Variants in SLC8A1 observed in about 807,000 individuals in gnomAD.
SLC8A1 encodes solute carrier family 8 member A1.
In SLC8A1, 18 loss-of-function variants were observed where a neutral mutation model predicts 68.3. The ratio of observed to expected loss-of-function variants is 0.26; its 90% CI spans 0.18 to 0.39. SLC8A1 has a LOEUF of 0.39. Ranked by LOEUF, SLC8A1 falls within the 10% of genes least tolerant of loss-of-function variation. SLC8A1 has a pLI of 1.00. For missense variants in SLC8A1, 985 were observed against 1,156.7 expected (o/e 0.85, Z 2.15); for synonymous variants, 475 against 415.5 (o/e 1.14, Z -1.74).
In SLC8A1 at chr2:40,156,879, C is replaced by T. The variant is rs563100597; in HGVS notation, c.2161+3886G>A. Among the ~76,000 whole-genome samples the T allele has an allele frequency of 2.2e-4, 33 of 152,226 alleles. 2 individuals are homozygous for T. In the South Asian group the frequency reaches 6.4e-3, roughly 30 times the overall value. On this transcript the variant is annotated intron_variant, in intron 6 of 7. Transcript: ENST00000406785. ...GCATGTCTCTGCGTACCTGTGTATA[C>T]GTGTGTTCTACATGTGTGTTCACTC...
At chr2:40,248,534 C>A (rs1433803804) in intron 2 of SLC8A1, among the ~76,000 whole-genome samples, 1 of 152,158 alleles carries the variant, frequency 6.6e-6, no homozygotes, top group Non-Finnish European at 1.5e-5. Context: ...GACTTTCTAG[C>A]CTCTGGAACT....
intron 2 of SLC8A1, among the ~76,000 whole-genome samples, chr2:40,289,228 T>TA (rs144010310): frequency 0.071 from 10,780 of 152,094 alleles, 1,253 homozygotes; most frequent in African/African-American, 0.25. Flanking sequence ...CTGTTTTTTT[T>TA]AAAAAATAAG....
chr2:40,253,068 C>CA lies in SLC8A1; in HGVS notation c.1809-75214_1809-75213insT, dbSNP rs2063171086. Among the ~76,000 whole-genome samples, 2 of 91,514 alleles carry CA rather than the reference C, an allele frequency of 2.2e-5. 1 individual carries two copies. The highest frequency in any genetic ancestry group is 8.4e-5 in the African/African-American group (2 of 23,808). The allele number at this position is 91,514 out of a possible 152,430, so 60.0% of individuals were successfully genotyped here. A position where few individuals can be genotyped will look rare whatever the true frequency, so the allele number is the denominator to read the frequency against. The stretch of plus-strand genomic sequence containing the variant: ...ATATGTATATATGTACATGTATATA[C>CA]TATATATGTGTATAAATGTATATAG... On this transcript the variant is annotated intron_variant, in intron 2 of 7. Coordinates refer to ENST00000406785, the Ensembl canonical transcript of SLC8A1.
intron 1 of SLC8A1, among the ~76,000 whole-genome samples, chr2:40,491,603 A>G (rs1027459970): frequency 6.6e-6 from 1 of 152,138 alleles, no homozygotes; most frequent in African/African-American, 2.4e-5. Context: ...CCTATTCAGT[A>G]TGATATTGGC....
At chr2:40,394,298 A>G (rs1404848783) in intron 2 of SLC8A1, among the ~76,000 whole-genome samples, 2 of 152,082 alleles carry the variant, frequency 1.3e-5, no homozygotes, top group East Asian at 3.9e-4. Context: ...CATTCTAGGG[A>G]GAGTAATTTG....
intron 2 of SLC8A1, among the ~76,000 whole-genome samples, chr2:40,306,093 G>A (rs1269116028): frequency 6.6e-6 from 1 of 152,174 alleles, no homozygotes; most frequent in Non-Finnish European, 1.5e-5. Context: ...CTCTTATACA[G>A]ATGCATTTGA....
At chr2:40,373,982 T>C (rs961110159) in intron 2 of SLC8A1, among the ~76,000 whole-genome samples, 1 of 152,098 alleles carries the variant, frequency 6.6e-6, no homozygotes, top group Admixed American at 6.6e-5. Flanking sequence ...TCAAGAAATC[T>C]GAGAAGAGGT....
intron 5 of SLC8A1, among the ~76,000 whole-genome samples, chr2:40,164,437 T>C (rs2046211801): frequency 6.6e-6 from 1 of 152,224 alleles, no homozygotes; most frequent in African/African-American, 2.4e-5. Flanking sequence ...ACTATCCCCC[T>C]GCAAAACAAA....
chr2:40,365,660 A>G (rs749984350), intron 2 of SLC8A1, among the ~76,000 whole-genome samples: 2 of 152,016 alleles, frequency 1.3e-5, no homozygotes, highest in Non-Finnish European at 2.9e-5. Context: ...ACCTACATTT[A>G]CACACACAAA....
intron 2 of SLC8A1, among the ~76,000 whole-genome samples, chr2:40,181,318 C>A (rs755487471): frequency 3.9e-5 from 6 of 152,156 alleles, no homozygotes; most frequent in Non-Finnish European, 8.8e-5. Flanking sequence ...TAGCTCCACA[C>A]AATTTGTTTG....
intron 2 of SLC8A1, among the ~76,000 whole-genome samples, chr2:40,330,197 T>C: frequency 6.6e-6 from 1 of 152,198 alleles, no homozygotes; most frequent in East Asian, 1.9e-4. Context: ...CATTAGAAGG[T>C]ACCATATTTT....
intron 2 of SLC8A1, among the ~76,000 whole-genome samples, chr2:40,233,375 T>C (rs2059938833): frequency 1.3e-5 from 2 of 152,070 alleles, no homozygotes; most frequent in East Asian, 1.9e-4. Flanking sequence ...CATGTGTTTT[T>C]TGGCTGCATA....
At chr2:40,333,668 A>G (rs1284764025) in intron 2 of SLC8A1, among the ~76,000 whole-genome samples, 1 of 152,146 alleles carries the variant, frequency 6.6e-6, no homozygotes, top group African/African-American at 2.4e-5. Flanking sequence ...AAATAAAACA[A>G]TTTCAATTTT....
At chr2:40,366,607 G>C (rs538583094) in intron 2 of SLC8A1, among the ~76,000 whole-genome samples, 2 of 152,134 alleles carry the variant, frequency 1.3e-5, no homozygotes, top group South Asian at 2.1e-4. Context: ...CAGGCTTAAA[G>C]AGGATTATAT....
rs371449388 is a variant in SLC8A1, at chr2:40,477,565, T to C, written c.-25+34784A>G. On this transcript the variant is annotated intron_variant, in intron 1 of 7. Transcript: ENST00000402441. ...TTGATGTTTTGCGGAAGGAAGACAA[T>C]CAGAGGTTTGGCTTAGAAAGTTTTC... Among the ~76,000 whole-genome samples, 6 of 152,320 alleles carry C rather than the reference T, an allele frequency of 3.9e-5. No individual in the cohort carries two copies. The East Asian group carries it at 7.7e-4, about 20-fold the overall frequency.
intron 1 of SLC8A1, among the ~76,000 whole-genome samples, chr2:40,466,583 G>T (rs1413833352): frequency 6.6e-6 from 1 of 152,110 alleles, no homozygotes; most frequent in East Asian, 1.9e-4. Flanking sequence ...CAAACTGAGG[G>T]TGCTAATCTG....
chr2:40,390,017 C>A (rs1286610202), intron 2 of SLC8A1, among the ~76,000 whole-genome samples: 1 of 151,820 alleles, frequency 6.6e-6, no homozygotes, highest in Non-Finnish European at 1.5e-5. Context: ...ATTGAAAGTT[C>A]CTCAATCTTC....
chr2:40,182,752 T>A (rs994855352), intron 2 of SLC8A1, among the ~76,000 whole-genome samples: 45 of 152,216 alleles, frequency 3.0e-4, no homozygotes, highest in African/African-American at 1.0e-3. Context: ...TTAATGAGGG[T>A]TGAAAAAGAA....
chr2:40,160,111 C>A (rs901433408), intron 6 of SLC8A1, among the ~76,000 whole-genome samples: 1 of 152,286 alleles, frequency 6.6e-6, no homozygotes, highest in Admixed American at 6.5e-5. Flanking sequence ...TATCGTTATA[C>A]AATCACACAA....
Sources: gnomAD v4.1 joint callset for allele counts (sites outside exome capture counted in the v4.1 genomes callset) on GRCh38, gnomAD v4.1.1 for gene constraint, MANE v1.5 for transcripts, NCBI Gene and HGNC (gene_info 2026-07-23, HGNC 2026-07-21) for gene names.